SPDYA: variants seen among roughly 807,000 people sequenced by gnomAD.
SPDYA encodes speedy/RINGO cell cycle regulator family member A.
A neutral mutation model predicts 36.7 loss-of-function variants in SPDYA; 11 were observed. That is an observed-to-expected ratio of 0.30 (90% confidence interval 0.19 to 0.50). The LOEUF (loss-of-function observed/expected upper bound fraction) is 0.50. Ranked by LOEUF, SPDYA falls within the 20% of genes least tolerant of loss-of-function variation. The pLI is 0.98. For missense variants in SPDYA, 287 were observed against 370.9 expected, an observed-to-expected ratio of 0.77 and a Z score of 1.86; for synonymous variants, 115 against 118.7, an observed-to-expected ratio of 0.97 and a Z score of 0.20.
intron 6 of SPDYA, among the ~76,000 whole-genome samples, chr2:28,833,022 G>A (rs1349412828): frequency 6.6e-6 from 1 of 151,998 alleles, no homozygotes; most frequent in Non-Finnish European, 1.5e-5. Flanking sequence ...TTTTTGTAGA[G>A]ATGGGGTCTC....
At chr2:28,848,162 C>T (rs1314959026) in intron 7 of SPDYA, among the ~76,000 whole-genome samples, 1 of 152,154 alleles carries the variant, frequency 6.6e-6, no homozygotes, top group Non-Finnish European at 1.5e-5. Flanking sequence ...TATAAATGTT[C>T]AGCTAGTTAC....
intron 6 of SPDYA, among the ~76,000 whole-genome samples, chr2:28,833,293 T>TTATC (rs1416925260): frequency 6.6e-6 from 1 of 152,170 alleles, no homozygotes; most frequent in Non-Finnish European, 1.5e-5. Flanking sequence ...CCCTCCTCCC[T>TTATC]TATCTCTTTG....
chr2:28,822,897 C>T (rs868845345), intron 5 of SPDYA, among the ~76,000 whole-genome samples: 1 of 152,114 alleles, frequency 6.6e-6, no homozygotes, highest in African/African-American at 2.4e-5. Context: ...TGAGCCACTG[C>T]GCCTGGCCAA....
chr2:28,816,240 A>G lies in SPDYA; in HGVS notation c.226A>G (p.Lys76Glu). 1.3e-6 allele frequency: 2 copies of G among 1,597,614 alleles called. No homozygotes were observed. The highest frequency in any genetic ancestry group is 1.7e-6 in the Non-Finnish European group (2 of 1,174,460). The change falls in exon 3 of 8, where the codon AAA becomes GAA. Residue 76 changes from lysine (K) to glutamate (E), a missense_variant. Lys to Glu is a moderately conservative substitution (Grantham distance 56). Coordinates refer to ENST00000334056, the MANE Select transcript of SPDYA (RefSeq NM_182756.4). ...IQRQDMTAFFKLFDDDLIQDF... is the reference protein window; with the variant it reads ...IQRQDMTAFFELFDDDLIQDF... ...GCGTCAGGATATGACTGCTTTCTTT[A>G]AATTATTTGGTAGGTTTAAAATATT...
At chr2:28,829,664 C>A (rs1477162797) in intron 6 of SPDYA, among the ~76,000 whole-genome samples, 1 of 151,850 alleles carries the variant, frequency 6.6e-6, no homozygotes. Flanking sequence ...AAAAATTAGG[C>A]TGGGTGCGGT....
chr2:28,816,703 C>T (rs565163452), intron 3 of SPDYA, among the ~76,000 whole-genome samples: 1 of 152,160 alleles, frequency 6.6e-6, no homozygotes, highest in Non-Finnish European at 1.5e-5. Flanking sequence ...AGTTTGGGAA[C>T]ATTGTTAAAA....
At chr2:28,849,068 A>C (rs1213711148) in intron 7 of SPDYA, among the ~76,000 whole-genome samples, 1 of 151,978 alleles carries the variant, frequency 6.6e-6, no homozygotes, top group Non-Finnish European at 1.5e-5. Context: ...CACACACACA[A>C]CTAAAAACCT....
intron 6 of SPDYA, among the ~76,000 whole-genome samples, chr2:28,834,846 T>G (rs1668555950): frequency 6.6e-6 from 1 of 152,214 alleles, no homozygotes. Context: ...ATTGGGTGAT[T>G]CTAAGGTATT....
intron 4 of SPDYA, 21 bp downstream of exon 4, chr2:28,819,127 A>G: frequency 6.4e-7 from 1 of 1,565,442 alleles, no homozygotes. Flanking sequence ...TAACAGTATA[A>G]CAATTAACCA....
intron 6 of SPDYA, among the ~76,000 whole-genome samples, chr2:28,837,291 A>G (rs1326266519): frequency 6.6e-6 from 1 of 152,220 alleles, no homozygotes; most frequent in East Asian, 1.9e-4. Context: ...CCAGTTGGAT[A>G]TAGGGTACAT....
intron 4 of SPDYA, among the ~76,000 whole-genome samples, chr2:28,820,565 G>A (rs754932988): frequency 6.6e-6 from 1 of 152,064 alleles, no homozygotes; most frequent in Admixed American, 6.6e-5. Context: ...CAGCCTGGGC[G>A]ACAGATCGAG....
At chr2:28,818,868 G>A (rs1012523173) in intron 3 of SPDYA, among the ~76,000 whole-genome samples, 180 bp from the exon 4 acceptor site, 15 of 152,148 alleles carry the variant, frequency 9.9e-5, no homozygotes, top group Admixed American at 2.6e-4. Flanking sequence ...GTAGTTTTTC[G>A]TACAGTCTTT....
Position 28,850,443 on chromosome 2 carries a change from A to C in SPDYA, c.*502A>C, listed in dbSNP as rs1416150967. On this transcript the variant is annotated 3_prime_UTR_variant, in exon 8 of 8. Coordinates refer to ENST00000334056, the MANE Select transcript of SPDYA (RefSeq NM_182756.4). ...AATATATGTACTATAAGCTACATAA[A>C]ATATTTTCTATTTTTTTCACAAAAC... 4 of 1,358,946 alleles carry C rather than the reference A, an allele frequency of 2.9e-6. No individual in the cohort carries two copies. The highest frequency in any genetic ancestry group is 4.3e-5 in the Admixed American group (2 of 46,504). 84.2% of individuals were successfully genotyped at this position (1,358,946 alleles called of 1,614,324 possible).
At chr2:28,839,629 G>T (rs1017532970) in intron 6 of SPDYA, among the ~76,000 whole-genome samples, 1 of 152,156 alleles carries the variant, frequency 6.6e-6, no homozygotes, top group African/African-American at 2.4e-5. Context: ...AGCCTCCTGA[G>T]TAGCTGGGAC....
chr2:28,833,561 C>T (rs1048036900), intron 6 of SPDYA, among the ~76,000 whole-genome samples: 14 of 152,012 alleles, frequency 9.2e-5, no homozygotes, highest in African/African-American at 3.1e-4. Context: ...AGAAATATAC[C>T]GTCACAATTA....
At chr2:28,836,796 T>C (rs938407498) in intron 6 of SPDYA, among the ~76,000 whole-genome samples, 3 of 152,238 alleles carry the variant, frequency 2.0e-5, no homozygotes, top group African/African-American at 7.2e-5. Context: ...TTGTTTATTC[T>C]GATTTTATCT....
chr2:28,814,737 G>A (rs1667942360), intron 2 of SPDYA, 51 bp downstream of exon 2: 1 of 152,052 alleles, frequency 6.6e-6, no homozygotes, highest in African/African-American at 2.4e-5. Context: ...TCTCAGTAGG[G>A]TCCTAGAGTA....
At chr2:28,845,824 C>T (rs1438892023) in intron 7 of SPDYA, among the ~76,000 whole-genome samples, 6 of 152,196 alleles carry the variant, frequency 3.9e-5, no homozygotes, top group South Asian at 4.2e-4. Flanking sequence ...GGATTACAGG[C>T]GTGAGCCACC....
intron 2 of SPDYA, among the ~76,000 whole-genome samples, 183 bp from the exon 3 acceptor site, chr2:28,815,814 G>A (rs1667969907): frequency 6.6e-6 from 1 of 152,190 alleles, no homozygotes; most frequent in African/African-American, 2.4e-5. Flanking sequence ...CCCAAAAGAA[G>A]CATAGCTTTT....
Sources: allele counts gnomAD v4.1 joint callset (sites outside exome capture counted in the v4.1 genomes callset), GRCh38; gene constraint gnomAD v4.1.1; transcripts MANE v1.5; gene names NCBI Gene and HGNC (gene_info 2026-07-23, HGNC 2026-07-21).